The following KIF11 variants were observed in gnomAD, a reference collection of about 807,000 sequenced individuals.
KIF11 encodes kinesin-like protein KIF11.
A neutral mutation model predicts 121.0 loss-of-function variants in KIF11; 9 were observed. The observed-to-expected ratio is 0.07, with a 90% CI of 0.04 to 0.13. KIF11 has a LOEUF of 0.13. Ranked by LOEUF, KIF11 falls within the 10% of genes least tolerant of loss-of-function variation. The pLI is 1.00. For missense variants in KIF11, 846 were observed against 1,217.5 expected (o/e 0.69, Z 4.54); for synonymous variants, 408 against 421.0 (o/e 0.97, Z 0.38).
chr10:92,609,455 A>G lies in KIF11; in HGVS notation c.644A>G (p.Glu215Gly), dbSNP rs1013691656. ...AAGGATGAAGTCTATCAAATTTTAGAAAAGGGGGCAGCAAAAAGGACAACT... is the reference window on the plus strand; with the variant it reads ...AAGGATGAAGTCTATCAAATTTTAGGAAAGGGGGCAGCAAAAAGGACAACT... The part of the protein sequence containing the change: ...HNKDEVYQIL[E>G]KGAAKRTTAA... The change falls in exon 6 of 22, where the codon GAA (glutamate) becomes GGA (glycine). Residue 215 changes from glutamate (E) to glycine (G), a missense_variant. Physicochemically the swap from Glu to Gly is moderately conservative, Grantham distance 98. Coordinates refer to ENST00000260731, the MANE Select transcript of KIF11 (RefSeq NM_004523.4). The G allele has an allele frequency of 6.2e-7, 1 of 1,613,792 alleles. No individual in the cohort carries two copies. The highest frequency in any genetic ancestry group is 8.5e-7 in the Non-Finnish European group (1 of 1,179,956).
At chr10:92,640,232 A>C (rs894388984) in intron 17 of KIF11, among the ~76,000 whole-genome samples, 1 of 152,208 alleles carries the variant, frequency 6.6e-6, no homozygotes, top group African/African-American at 2.4e-5. Context: ...GGGTTTGGCA[A>C]ACTGTGGCTA....
chr10:92,599,658 C>CTTTTCT (rs1254135649), intron 1 of KIF11, among the ~76,000 whole-genome samples: 25 of 137,442 alleles, frequency 1.8e-4, no homozygotes, highest in African/African-American at 6.1e-4. Context: ...GTTTTCTTTT[C>CTTTTCT]TTTTTTTTTT....
chr10:92,630,066 T>G (rs1008011322), intron 11 of KIF11, 110 bp from the exon 12 acceptor site: 2 of 594,892 alleles, frequency 3.4e-6, no homozygotes, highest in Non-Finnish European at 5.8e-6. Flanking sequence ...ACCTACCGGG[T>G]AACTTCTTAC....
Position 92,645,553 on chromosome 10 carries a change from G to C in KIF11, c.2458G>C (p.Glu820Gln). ...ATCTCAAGAGACTGAACAGAGATGTGAATCTCTGAACACAAGAACAGTTTA... is the reference window on the plus strand; with the variant it reads ...ATCTCAAGAGACTGAACAGAGATGTCAATCTCTGAACACAAGAACAGTTTA... ...KISQETEQRC[E>Q]SLNTRTVYFS... Residue 820 changes from glutamate to glutamine, a missense_variant, in exon 18 of 22, where the codon GAA (glutamate) becomes CAA (glutamine). Physicochemically the swap from Glu to Gln is conservative, Grantham distance 29. Transcript: ENST00000260731. 6.2e-7 allele frequency: 1 copy of C among 1,608,748 alleles called. No individual in the cohort carries two copies. The highest frequency in any genetic ancestry group is 8.5e-7 in the Non-Finnish European group (1 of 1,175,128).
At chr10:92,620,372 G>A (rs547763469) in intron 9 of KIF11, among the ~76,000 whole-genome samples, 5 of 152,242 alleles carry the variant, frequency 3.3e-5, no homozygotes, top group Admixed American at 6.5e-5. Flanking sequence ...GAGCCACCGC[G>A]TCCGGCCAGA....
intron 21 of KIF11, 103 bp from the exon 22 acceptor site, chr10:92,653,562 A>G (rs972792626): frequency 1.8e-6 from 2 of 1,142,482 alleles, no homozygotes; most frequent in Non-Finnish European, 2.4e-6. Context: ...TCTACACTTA[A>G]GTTTTTTTGC....
At chr10:92,596,588 T>C (rs1329394471) in intron 1 of KIF11, among the ~76,000 whole-genome samples, 2 of 151,968 alleles carry the variant, frequency 1.3e-5, no homozygotes, top group African/African-American at 2.4e-5. Context: ...TGCTATCTCA[T>C]TGTAGTTTTG....
intron 13 of KIF11, 55 bp downstream of exon 13, chr10:92,632,748 C>A: frequency 9.3e-7 from 1 of 1,072,180 alleles, no homozygotes; most frequent in Non-Finnish European, 1.3e-6. Context: ...ATGTTGATTT[C>A]AAAACTGATA....
intron 6 of KIF11, among the ~76,000 whole-genome samples, chr10:92,611,581 T>G (rs1426913672): frequency 6.6e-6 from 1 of 152,114 alleles, no homozygotes; most frequent in African/African-American, 2.4e-5. Flanking sequence ...TTCTGTAATT[T>G]TAAATAATTT....
chr10:92,625,372 A>G (rs1844663752), intron 10 of KIF11, among the ~76,000 whole-genome samples: 1 of 148,036 alleles, frequency 6.8e-6, no homozygotes. Flanking sequence ...TTTTTGAGAC[A>G]CAGTTTCACT....
chr10:92,637,185 A>G lies in KIF11; in HGVS notation c.1877A>G (p.Asn626Ser). 2 of 1,579,724 alleles carry G rather than the reference A, an allele frequency of 1.3e-6. No individual in the cohort carries two copies. The highest frequency in any genetic ancestry group is 1.8e-4 in the Middle Eastern group (1 of 5,642). ...ESKTVLQELI[N>S]VLKTDLLSSL... ...CTATTTGTTTATTTCTGAAACCAGA[A>G]TGTACTCAAGACTGATCTTCTAAGT... Residue 626 changes from asparagine to serine, a missense_variant and splice_region_variant, in exon 15 of 22, where the codon AAT becomes AGT. Physicochemically the swap from Asn to Ser is conservative, Grantham distance 46. This residue lies in a region of KIF11 where 492 missense variants were observed against 603.4 expected (regional missense o/e 0.82). Coordinates refer to ENST00000260731, the MANE Select transcript of KIF11 (RefSeq NM_004523.4).
intron 21 of KIF11, among the ~76,000 whole-genome samples, chr10:92,650,783 C>CTATA (rs959458400): frequency 2.6e-5 from 4 of 152,164 alleles, no homozygotes; most frequent in East Asian, 3.9e-4. Flanking sequence ...TTTCTGCTTG[C>CTATA]TATATACTCA....
At position 92,613,590 on chromosome 10, in the gene KIF11, A is replaced by G. The variant is rs776676148; in HGVS notation, c.1003A>G (p.Thr335Ala). The change falls in exon 8 of 22, where the codon ACA becomes GCA. Residue 335 changes from threonine (T) to alanine (A), a missense_variant. Thr to Ala is a moderately conservative substitution (Grantham distance 58). Transcript: ENST00000260731. The surrounding 1 kb of genome is among the most constrained non-coding windows in gnomAD (Gnocchi z 4.2). ...GGRTRTSIIA[T>A]ISPASLNLEE... ...GCGTACAAGAACATCTATAATTGCA[A>G]CAATTTCTCCTGCATCTCTCAATCT... 1.9e-6 allele frequency: 3 copies of G among 1,613,356 alleles called. No individual in the cohort carries two copies. Among genetic ancestry groups the G allele is most frequent in the South Asian group, 1.1e-5 (1 of 91,034 alleles).
Position 92,613,511 on chromosome 10 carries a change from T to C in KIF11, c.924T>C (p.His308=), listed in dbSNP as rs1170531467. ...CTGCCCTTGTAGAAAGAACACCTCA[T>C]GTTCCTTATCGAGAATCTAAACTAA... ...VITALVERTP[H]VPYRESKLTR... Residue 308 remains histidine, a synonymous_variant, in exon 8 of 22, where the codon CAT becomes CAC. Coordinates refer to ENST00000260731, the MANE Select transcript of KIF11 (RefSeq NM_004523.4). The surrounding 1 kb of genome is among the most constrained non-coding windows in gnomAD (Gnocchi z 4.2). The C allele has an allele frequency of 6.2e-7, 1 of 1,613,062 alleles. No homozygotes were observed. The highest frequency in any genetic ancestry group is 8.5e-7 in the Non-Finnish European group (1 of 1,179,238).
At chr10:92,602,934 C>T (rs1471635197) in intron 1 of KIF11, among the ~76,000 whole-genome samples, 1 of 151,432 alleles carries the variant, frequency 6.6e-6, no homozygotes, top group Non-Finnish European at 1.5e-5. Flanking sequence ...CGGCTCACTG[C>T]AACCTCTGCC....
In KIF11 at chr10:92,639,593, T is replaced by TA. The variant is rs1009504398; in HGVS notation, c.2161-190dup. ...GGACAACAGAGTGAGACCCTGTCTC[T>TA]AAAAAAAAAAACAAATCCTACATTT... On this transcript the variant is annotated intron_variant, in intron 16 of 21. Transcript: ENST00000260731. 1.0e-3 allele frequency among the ~76,000 whole-genome samples: 146 copies of TA among 143,510 alleles called. 1 individual carries two copies. Among genetic ancestry groups the TA allele is most frequent in the East Asian group, 1.4e-3 (7 of 4,988 alleles). The allele number at this position is 143,510 out of a possible 152,430, so 94.1% of individuals were successfully genotyped here. A position where few individuals can be genotyped will look rare whatever the true frequency, so the allele number is the denominator to read the frequency against.
In KIF11 at chr10:92,654,310, G is replaced by A. The variant is rs367674295; in HGVS notation, c.*514G>A. On this transcript the variant is annotated 3_prime_UTR_variant, in exon 22 of 22. Coordinates refer to ENST00000260731, the MANE Select transcript of KIF11 (RefSeq NM_004523.4). ...CATTTGGGATTTGCAATGTAAATACGTATTTCTAGTTTTCATATAAAGTAG... is the reference window on the plus strand; with the variant it reads ...CATTTGGGATTTGCAATGTAAATACATATTTCTAGTTTTCATATAAAGTAG... 3.9e-5 allele frequency: 6 copies of A among 152,352 alleles called. No homozygotes were observed. The East Asian group carries it at 5.8e-4, about 15-fold the overall frequency. 9.4% of individuals were successfully genotyped at this position (152,352 alleles called of 1,614,324 possible). A position where few individuals can be genotyped will look rare whatever the true frequency, so the allele number is the denominator to read the frequency against.
At chr10:92,618,844 A>T (rs954453820) in intron 9 of KIF11, among the ~76,000 whole-genome samples, 1 of 151,948 alleles carries the variant, frequency 6.6e-6, no homozygotes, top group African/African-American at 2.4e-5. Context: ...CACAATCAAG[A>T]TACTGAACAG....
At chr10:92,642,156 C>G (rs1187533951) in intron 17 of KIF11, among the ~76,000 whole-genome samples, 1 of 151,914 alleles carries the variant, frequency 6.6e-6, no homozygotes. Flanking sequence ...ATTGTCTTTT[C>G]TCATTCAACT....
Sources: allele counts gnomAD v4.1 joint callset (sites outside exome capture counted in the v4.1 genomes callset), GRCh38; gene constraint gnomAD v4.1.1; regional missense constraint gnomAD v4.1.1; non-coding constraint Gnocchi (gnomAD v3.1); transcripts MANE v1.5; gene names NCBI Gene and HGNC (gene_info 2026-07-23, HGNC 2026-07-21).